PCSK6: variants seen among roughly 807,000 people sequenced by gnomAD.
PCSK6 encodes proprotein convertase subtilisin/kexin type 6, also known as paired basic amino acid cleaving enzyme 4.
PCSK6 carries 85 observed loss-of-function variants against 123.3 expected under a neutral mutation model. The ratio of observed to expected loss-of-function variants is 0.69; its 90% CI spans 0.58 to 0.83. The LOEUF is 0.83. Among genes scored for constraint, PCSK6 ranks in the 40% least tolerant of loss-of-function variants. The pLI is 0.00. For synonymous variants in PCSK6, 508 were observed against 516.0 expected, an observed-to-expected ratio of 0.98 and a Z score of 0.21; for missense variants, 1,191 against 1,282.3, an observed-to-expected ratio of 0.93 and a Z score of 1.09.
intron 6 of PCSK6, among the ~76,000 whole-genome samples, chr15:101,423,830 C>G (rs1285049129): frequency 6.6e-6 from 1 of 151,846 alleles, no homozygotes; most frequent in Non-Finnish European, 1.5e-5. Context: ...CACTAAGAAG[C>G]ACAGAAAACC....
chr15:101,324,979 G>A lies in PCSK6; in HGVS notation c.2248C>T (p.His750Tyr), dbSNP rs762344879. 6.2e-7 allele frequency: 1 copy of A among 1,613,024 alleles called. No homozygotes were observed. The highest frequency in any genetic ancestry group is 1.1e-5 in the South Asian group (1 of 91,082). ...CTGGAGCAGGTCTCACACCCCTTGTGGCACCGGCGACAGCGTCTTGCTGCT... is the reference window on the plus strand; with the variant it reads ...CTGGAGCAGGTCTCACACCCCTTGTAGCACCGGCGACAGCGTCTTGCTGCT... ...DTAARRCRRC[H>Y]KGCETCSSRA... The change falls in exon 17 of 22, where the codon CAC becomes TAC. Residue 750 changes from histidine to tyrosine, a missense_variant. This residue lies in a region of PCSK6 where 630 missense variants were observed against 631.4 expected (regional missense o/e 1.00). Transcript: ENST00000611716.
intron 1 of PCSK6, among the ~76,000 whole-genome samples, chr15:101,482,059 G>A (rs1386544243): frequency 6.6e-6 from 1 of 152,248 alleles, no homozygotes; most frequent in Non-Finnish European, 1.5e-5. Context: ...GGGGTCTCCG[G>A]AGGTTGCTAT....
intron 6 of PCSK6, among the ~76,000 whole-genome samples, chr15:101,413,443 C>A (rs75031112): frequency 0.025 from 3,816 of 150,272 alleles, 153 homozygotes; most frequent in African/African-American, 0.087. Flanking sequence ...AAAAAGTGTT[C>A]AAGTAACCCA....
chr15:101,321,224 G>C (rs2040115489), intron 18 of PCSK6, among the ~76,000 whole-genome samples: 1 of 152,178 alleles, frequency 6.6e-6, no homozygotes, highest in Non-Finnish European at 1.5e-5. Flanking sequence ...ATCTTTGGGG[G>C]ATCCCTTTCC....
intron 17 of PCSK6, among the ~76,000 whole-genome samples, chr15:101,324,200 G>T (rs764722087): frequency 6.6e-6 from 1 of 152,212 alleles, no homozygotes; most frequent in South Asian, 2.1e-4. Context: ...TAGTGTTCAG[G>T]GGTGCGGTTG....
At chr15:101,435,609 G>T (rs1162885346) in intron 2 of PCSK6, among the ~76,000 whole-genome samples, 4 of 152,224 alleles carry the variant, frequency 2.6e-5, no homozygotes, top group Non-Finnish European at 4.4e-5. Context: ...CACAGTTATA[G>T]ATAAGCTACG....
chr15:101,393,697 A>C (rs1477584249), intron 7 of PCSK6, among the ~76,000 whole-genome samples: 2 of 152,190 alleles, frequency 1.3e-5, no homozygotes. Flanking sequence ...CTTCACAGGA[A>C]AATCAAGGGT....
intron 3 of PCSK6, 45 bp downstream of exon 3, chr15:101,431,945 G>T: frequency 7.5e-7 from 1 of 1,328,488 alleles, no homozygotes; most frequent in Non-Finnish European, 1.1e-6. Flanking sequence ...CAGAGACCTG[G>T]CAGTGCAAGT....
At chr15:101,416,068 G>C (rs2055877531) in intron 6 of PCSK6, among the ~76,000 whole-genome samples, 1 of 152,218 alleles carries the variant, frequency 6.6e-6, no homozygotes, top group African/African-American at 2.4e-5. Context: ...GCAGAGGCTG[G>C]AACAGTTTGG....
At chr15:101,445,996 C>T (rs2056879356) in intron 1 of PCSK6, among the ~76,000 whole-genome samples, 1 of 152,358 alleles carries the variant, frequency 6.6e-6, no homozygotes, top group Non-Finnish European at 1.5e-5. Flanking sequence ...TTTGCAAAGG[C>T]CCCTGGGTCT....
intron 6 of PCSK6, among the ~76,000 whole-genome samples, chr15:101,410,082 G>A (rs1015749925): frequency 3.9e-5 from 6 of 152,176 alleles, no homozygotes. Context: ...ACAGGCATAA[G>A]CCACCATGCC....
intron 13 of PCSK6, chr15:101,336,807 CACTG>C (rs5815008): frequency 0.66 from 99,666 of 151,558 alleles, 33,620 homozygotes; most frequent in African/African-American, 0.81. Flanking sequence ...AGGGGCCAGG[CACTG>C]ACTGAGCTAA....
At chr15:101,447,871 G>A (rs1171940407) in intron 1 of PCSK6, among the ~76,000 whole-genome samples, 2 of 152,302 alleles carry the variant, frequency 1.3e-5, no homozygotes, top group East Asian at 1.9e-4. Flanking sequence ...AATCAGGAGC[G>A]GTGGCTTCCA....
At chr15:101,431,969 C>A (rs770260083) in intron 3 of PCSK6, 21 bp downstream of exon 3, 1 of 1,559,636 alleles carries the variant, frequency 6.4e-7, no homozygotes, top group East Asian at 2.2e-5. Context: ...CTGGGGCAGA[C>A]AGAGGTCCTG....
chr15:101,452,775 G>A (rs546955404), intron 1 of PCSK6, among the ~76,000 whole-genome samples: 109 of 150,942 alleles, frequency 7.2e-4, no homozygotes, highest in African/African-American at 2.4e-3. Context: ...GATGGAACAT[G>A]TTACTACATT....
intron 1 of PCSK6, among the ~76,000 whole-genome samples, chr15:101,486,297 T>C (rs2058020059): frequency 1.3e-5 from 2 of 152,232 alleles, no homozygotes. Flanking sequence ...ATTTTATGTT[T>C]CTCTATAAAA....
intron 13 of PCSK6, among the ~76,000 whole-genome samples, chr15:101,348,404 C>T (rs576721309): frequency 6.6e-6 from 1 of 152,344 alleles, no homozygotes; most frequent in South Asian, 2.1e-4. Context: ...ATACATGCTT[C>T]GAGGTATGAA....
intron 17 of PCSK6, among the ~76,000 whole-genome samples, chr15:101,323,709 G>A (rs1462572025): frequency 6.0e-5 from 9 of 150,386 alleles, no homozygotes; most frequent in Non-Finnish European, 1.3e-4. Flanking sequence ...CTCCAGCCTG[G>A]GAGACAGTGA....
Position 101,318,358 on chromosome 15 carries a change from T to G in PCSK6, c.2530A>C (p.Arg844=). Residue 844 remains arginine (R), a synonymous_variant, in exon 19 of 22, where the codon AGA becomes CGA. Coordinates refer to ENST00000611716, the MANE Select transcript of PCSK6 (RefSeq NM_002570.5). ...PGTYFDSELI[R]CGECHHTCGT... ...CAGGTGTGATGGCATTCCCCACATC[T>G]GATCAGCTCTGAGTCAAAGTAGGTG... The G allele has an allele frequency of 1.3e-6, 2 of 1,565,732 alleles. No homozygotes were observed. The highest frequency in any genetic ancestry group is 1.7e-6 in the Non-Finnish European group (2 of 1,155,158).
Sources: gnomAD v4.1 joint callset for allele counts (sites outside exome capture counted in the v4.1 genomes callset) on GRCh38, gnomAD v4.1.1 for gene constraint, gnomAD v4.1.1 regional missense constraint, MANE v1.5 for transcripts, NCBI Gene and HGNC (gene_info 2026-07-23, HGNC 2026-07-21) for gene names.